The following DST variants were observed in gnomAD, a reference collection of about 807,000 sequenced individuals.
DST encodes dystonin.
Under a neutral mutation model 875.2 loss-of-function variants are expected in DST, and 253 were observed. The observed-to-expected ratio is 0.29, with a 90% CI of 0.26 to 0.32. The LOEUF is 0.32. Ranked by LOEUF, DST falls within the 10% of genes least tolerant of loss-of-function variation. The pLI, the probability that DST is intolerant of heterozygous loss-of-function variation, is 1.00. For missense variants in DST, 8,287 were observed against 9,111.6 expected (o/e 0.91, Z 3.68); for synonymous variants, 3,124 against 3,197.1 (o/e 0.98, Z 0.77).
intron 49 of DST, among the ~76,000 whole-genome samples, chr6:56,580,302 T>C (rs1041579519): frequency 6.6e-6 from 1 of 152,130 alleles, no homozygotes; most frequent in East Asian, 1.9e-4. Flanking sequence ...CCCAACGCTT[T>C]TTGGGAGGCC....
chr6:56,715,772 C>A (rs149558538), intron 5 of DST, among the ~76,000 whole-genome samples: 4 of 152,174 alleles, frequency 2.6e-5, no homozygotes, highest in African/African-American at 4.8e-5. Flanking sequence ...GAAGTTCTGC[C>A]CCTCACCTTC....
chr6:56,498,080 T>C lies in DST; in HGVS notation c.19897-27A>G, dbSNP rs192346994. On this transcript the variant is annotated intron_variant, in intron 80 of 103. Coordinates refer to ENST00000680361, the MANE Select transcript of DST (RefSeq NM_001374736.1). ...TGAAAATATAAAGATAACACCATGT[T>C]TGCTAGTTTGTAACATGTTAATATC... 1.1e-5 allele frequency: 18 copies of C among 1,590,184 alleles called. No homozygotes were observed. The South Asian group carries it at 1.7e-4, about 15-fold the overall frequency.
chr6:56,546,575 T>C lies in DST; in HGVS notation c.16608+5609A>G, dbSNP rs2097232369. The stretch of plus-strand genomic sequence containing the variant: ...GAAGACAACTGGAGATATGTGAGAA[T>C]AGGATCTGTGAGCACAGACATTTTC... On this transcript the variant is annotated intron_variant, in intron 61 of 103. Transcript: ENST00000680361. Among the ~76,000 whole-genome samples the C allele has an allele frequency of 2.0e-5, 3 of 151,476 alleles. No individual in the cohort carries two copies. The South Asian group carries it at 6.2e-4, about 31-fold the overall frequency.
rs1462080765 is a variant in DST at position 56,630,298 on chromosome 6, C to T, written c.4228G>A (p.Glu1410Lys). ...TTATTCTTGTCAGCTATAACTGCTT[C>T]TTCTTCACACAGTTTAGTTTCATAG... Reference protein sequence around the residue: ...KLYETKLCEEEAVIADKNNIE... With the variant: ...KLYETKLCEEKAVIADKNNIE... The change falls in exon 31 of 104, where the codon GAA (glutamate) becomes AAA (lysine). Residue 1410 changes from glutamate (E) to lysine (K), a missense_variant. Glu to Lys is a moderately conservative substitution (Grantham distance 56). Around this residue, in one of 10 missense-constraint regions of DST, gnomAD observed 3,138 missense variants for 3,116.6 expected, o/e 1.01. Transcript: ENST00000680361. 1 of 1,610,116 alleles carries T rather than the reference C, an allele frequency of 6.2e-7. No homozygotes were observed. Among genetic ancestry groups the T allele is most frequent in the Admixed American group, 1.7e-5 (1 of 60,006 alleles).
At chr6:56,949,574 T>C (rs1199211801) in intron 2 of DST, among the ~76,000 whole-genome samples, 1 of 152,212 alleles carries the variant, frequency 6.6e-6, no homozygotes, top group Non-Finnish European at 1.5e-5. Flanking sequence ...GTTAGCCCTA[T>C]TGTCTAACAC....
intron 98 of DST, among the ~76,000 whole-genome samples, chr6:56,468,617 C>T (rs1301176601): frequency 6.6e-6 from 1 of 152,090 alleles, no homozygotes; most frequent in Non-Finnish European, 1.5e-5. Flanking sequence ...AGTTAAACAC[C>T]AATGAGCCTA....
Position 56,569,989 on chromosome 6 carries a change from T to C in DST, c.13745A>G (p.Gln4582Arg), listed in dbSNP as rs1221134317. The change falls in exon 54 of 104, where the codon CAA (glutamine) becomes CGA (arginine). Residue 4582 changes from glutamine (Q) to arginine (R), a missense_variant. Gln to Arg is a conservative substitution (Grantham distance 43). Coordinates refer to ENST00000680361, the MANE Select transcript of DST (RefSeq NM_001374736.1). ...KEKKEAVTSC[Q>R]EQLDAFQVLV... is the part of the protein sequence containing the mutation. The stretch of plus-strand genomic sequence containing the variant: ...AACTTGGAAAGCATCCAACTGTTCT[T>C]GACAAGAAGTTACAGCTTCTTTTCT... 6.3e-7 allele frequency: 1 copy of C among 1,593,698 alleles called. No individual in the cohort carries two copies. Among genetic ancestry groups the C allele is most frequent in the East Asian group, 2.2e-5 (1 of 44,684 alleles).
intron 77 of DST, 46 bp from the exon 78 acceptor site, chr6:56,504,144 A>G (rs780723506): frequency 3.9e-6 from 5 of 1,270,938 alleles, no homozygotes; most frequent in Non-Finnish European, 4.5e-6. Context: ...GTACATTTGA[A>G]ATTGCTACAG....
At chr6:56,847,134 A>G (rs1278011203) in intron 4 of DST, among the ~76,000 whole-genome samples, 1 of 152,116 alleles carries the variant, frequency 6.6e-6, no homozygotes, top group Non-Finnish European at 1.5e-5. Flanking sequence ...CCTGGGCAAC[A>G]CAATGAGAAC....
chr6:56,651,962 A>G (rs2098978375), intron 10 of DST, among the ~76,000 whole-genome samples: 1 of 152,266 alleles, frequency 6.6e-6, no homozygotes, highest in Non-Finnish European at 1.5e-5. Flanking sequence ...GCTGTAATAA[A>G]GAATGATATA....
At chr6:56,660,184 C>A (rs2099031778) in intron 10 of DST, among the ~76,000 whole-genome samples, 1 of 152,192 alleles carries the variant, frequency 6.6e-6, no homozygotes, top group Non-Finnish European at 1.5e-5. Context: ...AATCAATCTA[C>A]CCTGAAGTAT....
chr6:56,669,585 G>A (rs2099089397), intron 10 of DST, among the ~76,000 whole-genome samples: 3 of 137,480 alleles, frequency 2.2e-5, no homozygotes, highest in Non-Finnish European at 3.0e-5. Flanking sequence ...GATAGTGCAA[G>A]ACTTCATCTC....
At chr6:56,762,492 C>T (rs1044233708) in intron 4 of DST, among the ~76,000 whole-genome samples, 3 of 152,166 alleles carry the variant, frequency 2.0e-5, no homozygotes, top group African/African-American at 7.2e-5. Context: ...AATGGCTGCC[C>T]GCACTCACAA....
At chr6:56,711,095 G>T (rs2099361534) in intron 5 of DST, among the ~76,000 whole-genome samples, 1 of 151,996 alleles carries the variant, frequency 6.6e-6, no homozygotes, top group African/African-American at 2.4e-5. Context: ...TCACAAAGAA[G>T]GCTTCTCTTT....
At chr6:56,624,651 T>C (rs1195073619) in intron 35 of DST, 23 bp from the exon 36 acceptor site, 5 of 1,454,696 alleles carry the variant, frequency 3.4e-6, no homozygotes, top group African/African-American at 2.8e-5. Flanking sequence ...AAAAAAATAA[T>C]AAAAGCATTA....
intron 4 of DST, among the ~76,000 whole-genome samples, chr6:56,763,707 A>ACACACACACACACG (rs2099624341): frequency 6.7e-6 from 1 of 149,586 alleles, no homozygotes; most frequent in African/African-American, 2.5e-5. Context: ...ACACACACAC[A>ACACACACACACACG]CACACACACA....
chr6:56,565,615 C>T (rs1195437974), intron 55 of DST, among the ~76,000 whole-genome samples: 10 of 152,186 alleles, frequency 6.6e-5, no homozygotes, highest in Non-Finnish European at 1.3e-4. Context: ...TGGAGCTCTC[C>T]TGTATGAGAT....
At chr6:56,561,234 G>A in intron 57 of DST, 74 bp downstream of exon 57, 1 of 1,468,220 alleles carries the variant, frequency 6.8e-7, no homozygotes, top group Non-Finnish European at 9.1e-7. Context: ...CAGAGCTTCT[G>A]ACTACCAGAG....
chr6:56,628,278 G>A (rs1313166180), intron 32 of DST, 117 bp from the exon 33 acceptor site: 2 of 897,358 alleles, frequency 2.2e-6, no homozygotes, highest in African/African-American at 3.3e-5. Context: ...CACAAGACGG[G>A]TATGTATAAA....
Sources: gnomAD v4.1 joint callset for allele counts (sites outside exome capture counted in the v4.1 genomes callset) on GRCh38, gnomAD v4.1.1 for gene constraint, gnomAD v4.1.1 regional missense constraint, MANE v1.5 for transcripts, NCBI Gene and HGNC (gene_info 2026-07-23, HGNC 2026-07-21) for gene names.